Variants in CFTR observed in about 807,000 individuals in gnomAD.
CFTR encodes cystic fibrosis transmembrane conductance regulator.
In CFTR, 181 loss-of-function variants were observed where a neutral mutation model predicts 171.6. That is an observed-to-expected ratio of 1.05 (90% CI 0.93 to 1.19). CFTR has a LOEUF of 1.19. CFTR is among the 50% of genes most tolerant of loss of function. CFTR has a pLI of 0.00. For synonymous variants in CFTR, 583 were observed against 608.0 expected (o/e 0.96, Z 0.60); for missense variants, 1,968 against 1,734.7 (o/e 1.13, Z -2.39).
intron 1 of CFTR, among the ~76,000 whole-genome samples, chr7:117,483,733 AC>A (rs200514337): frequency 1.3e-5 from 2 of 150,390 alleles, no homozygotes; most frequent in African/African-American, 4.9e-5. Flanking sequence ...TGCCTGGCTA[AC>A]TTTTTTTTTT....
intron 1 of CFTR, among the ~76,000 whole-genome samples, chr7:117,496,653 T>G (rs1210495211): frequency 6.6e-6 from 1 of 152,244 alleles, no homozygotes; most frequent in Non-Finnish European, 1.5e-5. Flanking sequence ...CAAGTTTTTG[T>G]GCAGACATCC....
At chr7:117,627,432 A>G in intron 21 of CFTR, 90 bp from the exon 22 acceptor site, 2 of 1,370,124 alleles carry the variant, frequency 1.5e-6, no homozygotes, top group Non-Finnish European at 2.1e-6. Context: ...CAAGTGTTGC[A>G]TTTTACAAGT....
At chr7:117,558,423 G>A (rs1799396931) in intron 10 of CFTR, among the ~76,000 whole-genome samples, 1 of 151,922 alleles carries the variant, frequency 6.6e-6, no homozygotes, top group African/African-American at 2.4e-5. Context: ...ACGTGATGGC[G>A]GGTGCCCGTA....
chr7:117,483,322 A>C (rs1260673770), intron 1 of CFTR, among the ~76,000 whole-genome samples: 1 of 152,160 alleles, frequency 6.6e-6, no homozygotes, highest in African/African-American at 2.4e-5. Context: ...TATATTAGCC[A>C]CATTATTTTA....
chr7:117,496,382 TC>T (rs1388033042), intron 1 of CFTR, among the ~76,000 whole-genome samples: 2 of 152,206 alleles, frequency 1.3e-5, no homozygotes, highest in Admixed American at 6.5e-5. Flanking sequence ...TTTATAATTT[TC>T]TTTAGAGACA....
chr7:117,569,158 G>A (rs1791648132), intron 11 of CFTR, among the ~76,000 whole-genome samples: 1 of 152,154 alleles, frequency 6.6e-6, no homozygotes. Context: ...AATGGTGAGT[G>A]TAGTATAAGA....
chr7:117,596,999 T>G (rs553637962), intron 15 of CFTR, among the ~76,000 whole-genome samples: 5 of 152,262 alleles, frequency 3.3e-5, no homozygotes, highest in African/African-American at 9.6e-5. Flanking sequence ...GTAAAACCAA[T>G]CTGCTGTCTG....
chr7:117,571,913 T>A (rs111632950), intron 11 of CFTR, among the ~76,000 whole-genome samples: 268 of 152,280 alleles, frequency 1.8e-3, no homozygotes, highest in African/African-American at 5.9e-3. Context: ...TTTTGTTGGG[T>A]GTAGTAAAAA....
At chr7:117,541,040 G>A (rs576972170) in intron 8 of CFTR, among the ~76,000 whole-genome samples, 5 of 152,306 alleles carry the variant, frequency 3.3e-5, no homozygotes, top group African/African-American at 1.2e-4. Flanking sequence ...AGCTGTGACA[G>A]CTCCCTGCTC....
intron 2 of CFTR, among the ~76,000 whole-genome samples, chr7:117,505,943 T>C (rs1419604532): frequency 6.6e-6 from 1 of 152,192 alleles, no homozygotes; most frequent in Non-Finnish European, 1.5e-5. Flanking sequence ...GCTTCTATTA[T>C]TGAACACTTG....
rs543254006 is a variant in CFTR, at chr7:117,613,253, C to T, written c.3368-1360C>T. ...CAAACCAATATAACACATGCTATAA[C>T]ATGGTTGAGTGTGATTGAGTCTTGA... On this transcript the variant is annotated intron_variant, in intron 20 of 26. Coordinates refer to ENST00000003084, the MANE Select transcript of CFTR (RefSeq NM_000492.4). Among the ~76,000 whole-genome samples the T allele has an allele frequency of 1.8e-4, 28 of 152,254 alleles. No homozygotes were observed. The South Asian group carries it at 5.8e-3, about 32-fold the overall frequency.
At position 117,598,383 on chromosome 7, in the gene CFTR, G is replaced by A. The variant is rs540163105; in HGVS notation, c.2619+3325G>A. On this transcript the variant is annotated intron_variant, in intron 15 of 26. Transcript: ENST00000003084. ...AAAAAGAACCACCTCTCCTAAGGAAGTATAAATTTGTAAATAACTGAGACC... is the reference window on the plus strand; with the variant it reads ...AAAAAGAACCACCTCTCCTAAGGAAATATAAATTTGTAAATAACTGAGACC... Among the ~76,000 whole-genome samples, 6 of 152,256 alleles carry A rather than the reference G, an allele frequency of 3.9e-5. No homozygotes were observed. The South Asian group carries it at 1.2e-3, about 32-fold the overall frequency.
Position 117,573,670 on chromosome 7 carries a change from TA to T in CFTR, c.1584+14018del, listed in dbSNP as rs530392434. Among the ~76,000 whole-genome samples the T allele has an allele frequency of 2.0e-5, 3 of 152,268 alleles. 1 individual carries two copies. The highest frequency in any genetic ancestry group is 6.8e-3 in the Middle Eastern group (2 of 294). On this transcript the variant is annotated intron_variant, in intron 11 of 26. Transcript: ENST00000003084. The stretch of plus-strand genomic sequence containing the variant: ...AACAATTTGACTTTTTATTGTAGAT[TA>T]AACCATGCTGAGAAAATTATTAAAA...
intron 22 of CFTR, 184 bp downstream of exon 22, chr7:117,627,954 C>T: frequency 1.6e-6 from 1 of 633,226 alleles, no homozygotes. Flanking sequence ...TTGCAGAGTC[C>T]TGAACCTATA....
intron 11 of CFTR, among the ~76,000 whole-genome samples, chr7:117,563,225 C>T (rs1300151979): frequency 6.6e-6 from 1 of 152,008 alleles, no homozygotes; most frequent in Non-Finnish European, 1.5e-5. Context: ...GATAATACTG[C>T]CTATTTTGTA....
At chr7:117,508,921 T>G (rs1798465675) in intron 2 of CFTR, 113 bp from the exon 3 acceptor site, 1 of 761,830 alleles carries the variant, frequency 1.3e-6, no homozygotes, top group South Asian at 1.4e-5. Context: ...TCTATAATAC[T>G]TGGGTTAATC....
At chr7:117,659,919 AT>A (rs886222550) in intron 24 of CFTR, among the ~76,000 whole-genome samples, 5 of 151,962 alleles carry the variant, frequency 3.3e-5, no homozygotes, top group Non-Finnish European at 5.9e-5. Context: ...CACTTTTATG[AT>A]TTTTTTTCAT....
At chr7:117,637,541 G>A (rs1792845999) in intron 22 of CFTR, among the ~76,000 whole-genome samples, 2 of 152,056 alleles carry the variant, frequency 1.3e-5, no homozygotes. Context: ...GGTTAGGCAT[G>A]GTAAAATAGT....
At chr7:117,485,017 A>ACGGTTTTC (rs1467276551) in intron 1 of CFTR, among the ~76,000 whole-genome samples, 1 of 152,204 alleles carries the variant, frequency 6.6e-6, no homozygotes, top group Admixed American at 6.5e-5. Context: ...TAGGGAAATC[A>ACGGTTTTC]CGGTTTTCCA....
Sources: allele counts gnomAD v4.1 joint callset (sites outside exome capture counted in the v4.1 genomes callset), GRCh38; gene constraint gnomAD v4.1.1; transcripts MANE v1.5; gene names NCBI Gene and HGNC (gene_info 2026-07-23, HGNC 2026-07-21).